Variants in ZNF804B observed in about 807,000 individuals in gnomAD.
ZNF804B encodes zinc finger protein 804B.
A neutral mutation model predicts 101.4 loss-of-function variants in ZNF804B; 80 were observed. The ratio of observed to expected loss-of-function variants is 0.79; its 90% CI spans 0.66 to 0.95. The LOEUF is 0.95. Ranked by LOEUF, ZNF804B falls within the 40% of genes least tolerant of loss-of-function variation. ZNF804B has a pLI of 0.00. For synonymous variants in ZNF804B, 622 were observed against 558.8 expected (o/e 1.11, Z -1.59); for missense variants, 1,673 against 1,561.9 (o/e 1.07, Z -1.20).
chr7:89,051,852 G>A (rs535763452), intron 1 of ZNF804B, among the ~76,000 whole-genome samples: 2 of 152,216 alleles, frequency 1.3e-5, no homozygotes, highest in East Asian at 3.9e-4. Context: ...TTAGGGAAGT[G>A]TCTTGTCTTC....
chr7:89,038,145 A>T (rs1788957565), intron 1 of ZNF804B, among the ~76,000 whole-genome samples: 1 of 152,186 alleles, frequency 6.6e-6, no homozygotes, highest in African/African-American at 2.4e-5. Context: ...ACTGGGGTGC[A>T]GGTATCCCCT....
chr7:89,263,859 A>G (rs1789745293), intron 2 of ZNF804B, among the ~76,000 whole-genome samples: 1 of 152,196 alleles, frequency 6.6e-6, no homozygotes, highest in African/African-American at 2.4e-5. Flanking sequence ...AGCCCTGCTG[A>G]CATTTTGATT....
At chr7:89,024,802 A>C (rs1015033063) in intron 1 of ZNF804B, among the ~76,000 whole-genome samples, 1 of 151,992 alleles carries the variant, frequency 6.6e-6, no homozygotes, top group African/African-American at 2.4e-5. Context: ...GTTATACAAA[A>C]TGATATTGAA....
chr7:89,129,362 C>G (rs1405264406), intron 1 of ZNF804B, among the ~76,000 whole-genome samples: 1 of 151,952 alleles, frequency 6.6e-6, no homozygotes, highest in Non-Finnish European at 1.5e-5. Context: ...AAATTAAAAT[C>G]AATGCTCAGT....
At chr7:89,156,476 G>A (rs1314938944) in intron 1 of ZNF804B, among the ~76,000 whole-genome samples, 2 of 152,082 alleles carry the variant, frequency 1.3e-5, no homozygotes, top group Non-Finnish European at 2.9e-5. Context: ...CCATTGTAAC[G>A]TTTGTGTACA....
intron 1 of ZNF804B, among the ~76,000 whole-genome samples, chr7:89,033,390 CT>C (rs1234305082): frequency 2.0e-5 from 3 of 152,108 alleles, no homozygotes; most frequent in Non-Finnish European, 4.4e-5. Flanking sequence ...GATTTCATGA[CT>C]TGGTTATTAT....
At chr7:88,846,195 G>A (rs1012995251) in intron 1 of ZNF804B, among the ~76,000 whole-genome samples, 1 of 152,038 alleles carries the variant, frequency 6.6e-6, no homozygotes, top group Non-Finnish European at 1.5e-5. Context: ...TTTCCAATAA[G>A]CATTATTTGC....
intron 1 of ZNF804B, among the ~76,000 whole-genome samples, chr7:88,877,214 T>G (rs909067803): frequency 6.7e-5 from 10 of 149,836 alleles, no homozygotes; most frequent in African/African-American, 2.2e-4. Flanking sequence ...TGTGTGCCAC[T>G]AGGGAAAATA....
intron 2 of ZNF804B, among the ~76,000 whole-genome samples, chr7:89,221,736 AT>A (rs370315766): frequency 6.8e-6 from 1 of 147,374 alleles, no homozygotes; most frequent in East Asian, 2.0e-4. Flanking sequence ...ATTCTATTCT[AT>A]TCTATTCTAT....
intron 2 of ZNF804B, among the ~76,000 whole-genome samples, chr7:89,307,431 T>C (rs2115936140): frequency 6.6e-6 from 1 of 152,200 alleles, no homozygotes; most frequent in East Asian, 1.9e-4. Flanking sequence ...CACATGTTTA[T>C]ATTCTCCTTG....
At chr7:88,983,977 A>G (rs1793725915) in intron 1 of ZNF804B, among the ~76,000 whole-genome samples, 1 of 152,106 alleles carries the variant, frequency 6.6e-6, no homozygotes, top group Non-Finnish European at 1.5e-5. Flanking sequence ...CATGTATAAT[A>G]TTTTGGATAA....
At chr7:89,151,998 C>T (rs1790884753) in intron 1 of ZNF804B, among the ~76,000 whole-genome samples, 1 of 151,886 alleles carries the variant, frequency 6.6e-6, no homozygotes, top group African/African-American at 2.4e-5. Context: ...ATCTTTTGTT[C>T]TTGTTTTTTC....
intron 1 of ZNF804B, among the ~76,000 whole-genome samples, chr7:89,130,770 T>A (rs1395177922): frequency 6.6e-6 from 1 of 151,970 alleles, no homozygotes; most frequent in Non-Finnish European, 1.5e-5. Context: ...TATTTACTTT[T>A]TCAGAATGAC....
chr7:89,210,433 AACC>A (rs1232890453), intron 1 of ZNF804B, among the ~76,000 whole-genome samples: 9 of 152,238 alleles, frequency 5.9e-5, no homozygotes, highest in Non-Finnish European at 1.3e-4. Context: ...TGCACCTATT[AACC>A]CATCACCTAG....
intron 1 of ZNF804B, among the ~76,000 whole-genome samples, chr7:89,129,982 G>T (rs1790523290): frequency 6.6e-6 from 1 of 151,922 alleles, no homozygotes; most frequent in African/African-American, 2.4e-5. Context: ...ATTTTTCATG[G>T]TAAAATTGTG....
At position 89,289,691 on chromosome 7, in the gene ZNF804B, A is replaced by C. The variant is rs572621646; in HGVS notation, c.250-37653A>C. On this transcript the variant is annotated intron_variant, in intron 2 of 3. Transcript: ENST00000333190. ...AGCCCTACACGAAGGGGAATCACTCATCTCAGTGGTGGGAACTTGAGTTGC... is the reference window on the plus strand; with the variant it reads ...AGCCCTACACGAAGGGGAATCACTCCTCTCAGTGGTGGGAACTTGAGTTGC... 3.3e-5 allele frequency among the ~76,000 whole-genome samples: 5 copies of C among 152,268 alleles called. No homozygotes were observed. The East Asian group carries it at 7.7e-4, about 24-fold the overall frequency.
intron 1 of ZNF804B, among the ~76,000 whole-genome samples, chr7:88,848,967 C>T (rs1039239381): frequency 2.6e-5 from 4 of 151,852 alleles, no homozygotes; most frequent in African/African-American, 4.8e-5. Flanking sequence ...TTTTTCCAGC[C>T]GTGTGTTAGA....
intron 1 of ZNF804B, among the ~76,000 whole-genome samples, chr7:89,087,338 T>TA (rs34120249): frequency 0.022 from 3,302 of 150,774 alleles, 151 homozygotes; most frequent in African/African-American, 0.076. Context: ...TTTCTGATTA[T>TA]AAAAAAAAAG....
chr7:88,936,453 C>T (rs895565960), intron 1 of ZNF804B, among the ~76,000 whole-genome samples: 3 of 152,054 alleles, frequency 2.0e-5, no homozygotes, highest in African/African-American at 7.2e-5. Flanking sequence ...CTTGAAGGGC[C>T]AGATAGCTGA....
Sources: allele counts gnomAD v4.1 joint callset (sites outside exome capture counted in the v4.1 genomes callset), GRCh38; gene constraint gnomAD v4.1.1; transcripts MANE v1.5; gene names NCBI Gene and HGNC (gene_info 2026-07-23, HGNC 2026-07-21).